ACAP3: variants seen among roughly 807,000 people sequenced by gnomAD.
The protein encoded by ACAP3 is ArfGAP with coiled-coil, ankyrin repeat and PH domains 3.
A neutral mutation model predicts 104.1 loss-of-function variants in ACAP3; 56 were observed. The observed-to-expected ratio is 0.54, with a 90% CI of 0.43 to 0.67. The LOEUF (loss-of-function observed/expected upper bound fraction) is 0.67, where lower values mean the gene tolerates loss of function less well. Ranked by LOEUF, ACAP3 falls within the 30% of genes least tolerant of loss-of-function variation. ACAP3 has a pLI of 0.00. For missense variants in ACAP3, 1,208 were observed against 1,174.9 expected (o/e 1.03, Z -0.41); for synonymous variants, 628 against 496.2 (o/e 1.27, Z -3.53).
Position 1,296,637 on chromosome 1 carries a change from G to T in ACAP3, c.1129-4C>A. ...GGGATGCTGTGCGGTCCAGCCTCTG[G>T]AGGATGGGGTGGAGCTGCTCGGTCC... On this transcript the variant is annotated splice_region_variant and splice_polypyrimidine_tract_variant and intron_variant, in intron 14 of 23. Transcript: ENST00000354700. 2 of 1,534,120 alleles carry T rather than the reference G, an allele frequency of 1.3e-6. No individual in the cohort carries two copies. The highest frequency in any genetic ancestry group is 8.7e-7 in the Non-Finnish European group (1 of 1,144,520).
chr1:1,304,236 T>C (rs1019217726), intron 1 of ACAP3, 93 bp from the exon 2 acceptor site: 6 of 1,454,862 alleles, frequency 4.1e-6, no homozygotes, highest in African/African-American at 2.8e-5. Context: ...GGCTCCACCA[T>C]GGGAAGGGGC....
At chr1:1,302,672 G>A (rs573631250) in intron 4 of ACAP3, among the ~76,000 whole-genome samples, 90 of 152,136 alleles carry the variant, frequency 5.9e-4, no homozygotes, top group African/African-American at 2.1e-3. Context: ...CGAGAGCCCT[G>A]CCCAGTTGGG....
rs1399050903 is a variant in ACAP3 at position 1,293,677 on chromosome 1, G to C, written c.2392C>G (p.Arg798Gly). The change falls in exon 24 of 24, where the codon CGC becomes GGC. Residue 798 changes from arginine (R) to glycine (G), a missense_variant. Transcript: ENST00000354700. ...GGACCAGGGGCAGCCTCGGCCTCGC[G>C]CATTTCCTCCGCCATGCGCGCCAGA... ...LRLARMAEEM[R>G]EAEAAPGPPG... is the part of the protein sequence containing the mutation. 4.2e-6 allele frequency: 6 copies of C among 1,435,890 alleles called. No individual in the cohort carries two copies. Among genetic ancestry groups the C allele is most frequent in the Non-Finnish European group, 5.4e-6 (6 of 1,103,982 alleles). The allele number at this position is 1,435,890 out of a possible 1,614,324, so 88.9% of individuals were successfully genotyped here.
chr1:1,295,129 A>C (rs1168382391), intron 19 of ACAP3: 7 of 549,538 alleles, frequency 1.3e-5, no homozygotes, highest in Non-Finnish European at 2.3e-5. Flanking sequence ...CCCAGGCTGA[A>C]ATGTCTCCAC....
chr1:1,293,772 C>CGCCCCTGCCCTGGAGGCCCA (rs1640963129), intron 23 of ACAP3, 51 bp downstream of exon 23: 6 of 1,513,984 alleles, frequency 4.0e-6, no homozygotes, highest in Non-Finnish European at 5.3e-6. Flanking sequence ...CTGGAGGCCC[C>CGCCCCTGCCCTGGAGGCCCA]GCCCCTGCCC....
In ACAP3 at chr1:1,303,666, C is replaced by T. The variant is rs1042982128; in HGVS notation, c.106-385G>A. ...ATGGACACGGCTCCCCTCTCCACGG[C>T]CTGTTGCCCCCTCTTTCTCAGCCCA... On this transcript the variant is annotated intron_variant, in intron 2 of 23. Transcript: ENST00000354700. This position sits in a 1 kb window ranked among gnomAD's most constrained non-coding sequence, Gnocchi z 4.0. 14 of 288,746 alleles carry T rather than the reference C, an allele frequency of 4.8e-5. 1 individual carries two copies. The highest frequency in any genetic ancestry group is 1.6e-4 in the Admixed American group (2 of 12,228). The allele number at this position is 288,746 out of a possible 1,614,324, so 17.9% of individuals were successfully genotyped here.
At chr1:1,307,455 G>C in intron 1 of ACAP3, 1 of 1,294,748 alleles carries the variant, frequency 7.7e-7, no homozygotes, top group Non-Finnish European at 1.0e-6. Flanking sequence ...GCCAGAGCTG[G>C]ACTGCAGGGC....
At chr1:1,299,701 G>A in intron 9 of ACAP3, 130 bp downstream of exon 9, 1 of 1,114,276 alleles carries the variant, frequency 9.0e-7, no homozygotes, top group Non-Finnish European at 1.3e-6. Context: ...TGGTCCCCTA[G>A]AGAGGGTGTG....
chr1:1,294,207 G>A lies in ACAP3; in HGVS notation c.2140-8C>T. The A allele has an allele frequency of 4.4e-6, 7 of 1,575,236 alleles. No homozygotes were observed. Among genetic ancestry groups the A allele is most frequent in the Non-Finnish European group, 6.0e-6 (7 of 1,160,098 alleles). On this transcript the variant is annotated splice_polypyrimidine_tract_variant and splice_region_variant and intron_variant, in intron 21 of 23. Coordinates refer to ENST00000354700, the MANE Select transcript of ACAP3 (RefSeq NM_030649.3). ...ACAGACGATCAAGGAGCCCTGGGGAGCCGGGGCAACTCAGACGGAGCCACG... is the reference window on the plus strand; with the variant it reads ...ACAGACGATCAAGGAGCCCTGGGGAACCGGGGCAACTCAGACGGAGCCACG...
intron 1 of ACAP3, chr1:1,307,035 G>C (rs753257874): frequency 5.2e-6 from 3 of 576,066 alleles, no homozygotes; most frequent in South Asian, 4.5e-5. Context: ...CCCCGCACGA[G>C]CTCGTGCAGA....
In ACAP3 at chr1:1,294,511, C is replaced by T. The variant is rs1236289066; in HGVS notation, c.2030G>A (p.Arg677His). 1 of 1,505,792 alleles carries T rather than the reference C, an allele frequency of 6.6e-7. No individual in the cohort carries two copies. Among genetic ancestry groups the T allele is most frequent in the Non-Finnish European group, 8.8e-7 (1 of 1,137,242 alleles). 93.3% of individuals were successfully genotyped at this position (1,505,792 alleles called of 1,614,324 possible). A position where few individuals can be genotyped will look rare whatever the true frequency, so the allele number is the denominator to read the frequency against. The change falls in exon 21 of 24, where the codon CGT becomes CAT. Residue 677 changes from arginine (R) to histidine (H), a missense_variant. Transcript: ENST00000354700. ...HPGLLAHRAARARDLPALAAA... is the reference protein window; with the variant it reads ...HPGLLAHRAAHARDLPALAAA... Reference sequence around the variant, plus strand: ...CGCCAGCGCAGGAAGGTCGCGGGCACGCGCTGCGCGGTGCGCCAAGAGCCC... The same window carrying T: ...CGCCAGCGCAGGAAGGTCGCGGGCATGCGCTGCGCGGTGCGCCAAGAGCCC...
intron 1 of ACAP3, among the ~76,000 whole-genome samples, chr1:1,307,548 C>T (rs1406516780): frequency 6.6e-6 from 1 of 152,248 alleles, no homozygotes; most frequent in East Asian, 1.9e-4. Flanking sequence ...CCCACGCGCA[C>T]GCCCTCCACC....
At position 1,302,935 on chromosome 1, in the gene ACAP3, A is replaced by G; in HGVS notation, c.266T>C (p.Val89Ala). Residue 89 changes from valine to alanine, a missense_variant, in exon 4 of 24, where the codon GTG becomes GCG. Coordinates refer to ENST00000354700, the MANE Select transcript of ACAP3 (RefSeq NM_030649.3). ...QRFADSLQEV[V>A]NYHMILFDQA... ...GGCCGCGCTCACCATGTGGTAGTTC[A>G]CCACCTCCTGTAGGCTGTCAGCGAA... is the stretch of plus-strand genomic sequence containing the variant. The G allele has an allele frequency of 6.2e-7, 1 of 1,611,286 alleles. No homozygotes were observed.
At chr1:1,297,243 GTGTGC>G (rs1641219833) in intron 14 of ACAP3, among the ~76,000 whole-genome samples, 1 of 101,376 alleles carries the variant, frequency 9.9e-6, no homozygotes, top group Non-Finnish European at 1.8e-5. Flanking sequence ...GGTGGCACAT[GTGTGC>G]ACGGGCTTGG....
intron 21 of ACAP3, 49 bp downstream of exon 21, chr1:1,294,349 GCAAA>G (rs1641011396): frequency 6.5e-7 from 1 of 1,530,866 alleles, no homozygotes; most frequent in Non-Finnish European, 8.8e-7. Flanking sequence ...CACAGAAGAT[GCAAA>G]CGCGACTGTG....
In ACAP3 at chr1:1,300,643, C is replaced by A; in HGVS notation, c.388G>T (p.Glu130Ter). Residue 130 changes from glutamate (E) to a stop codon, truncating the protein, a stop_gained, in exon 6 of 24, where the codon GAG becomes TAG. Transcript: ENST00000354700. LOFTEE classifies it high-confidence loss of function. ...CTCACCAGGGACAGCTCCAGGTCCTCCCGCACCTTGTCAAACTGCTTCTTT... is the reference window on the plus strand; with the variant it reads ...CTCACCAGGGACAGCTCCAGGTCCTACCGCACCTTGTCAAACTGCTTCTTT... ...ETKKQFDKVR[E>*]DLELSLVRNA... The A allele has an allele frequency of 6.2e-7, 1 of 1,609,882 alleles. No individual in the cohort carries two copies. Among genetic ancestry groups the A allele is most frequent in the Non-Finnish European group, 8.5e-7 (1 of 1,179,152 alleles).
Position 1,294,755 on chromosome 1 carries a change from G to T in ACAP3, c.1875C>A (p.Phe625Leu), listed in dbSNP as rs377269757. 52 of 1,549,878 alleles carry T rather than the reference G, an allele frequency of 3.4e-5. No individual in the cohort carries two copies. Among genetic ancestry groups the T allele is most frequent in the Non-Finnish European group, 4.0e-5 (46 of 1,146,734 alleles). ...CGCTGTCCACCACAGAGCCCGAGCC[G>T]AAAGCCAGGACGTCCGAGCTGCCAT... ...SSDGSSDVLA[F>L]GSGSVVDSVT... The change falls in exon 20 of 24, where the codon TTC (phenylalanine) becomes TTA (leucine). Residue 625 changes from phenylalanine to leucine, a missense_variant. Transcript: ENST00000354700.
chr1:1,294,387 C>T lies in ACAP3; in HGVS notation c.2139+15G>A. The T allele has an allele frequency of 6.4e-7, 1 of 1,563,168 alleles. No homozygotes were observed. The highest frequency in any genetic ancestry group is 8.6e-7 in the Non-Finnish European group (1 of 1,158,062). ...TGCACCTGTGTCCTGCGCGCAGCCC[C>T]CGTGGCTCGCTCACCCCTAGCACGG... On this transcript the variant is annotated intron_variant, in intron 21 of 23. Coordinates refer to ENST00000354700, the MANE Select transcript of ACAP3 (RefSeq NM_030649.3).
chr1:1,300,254 G>A, intron 6 of ACAP3, 52 bp from the exon 7 acceptor site: 3 of 1,542,942 alleles, frequency 1.9e-6, no homozygotes, highest in South Asian at 1.2e-5. Flanking sequence ...GCAGCCCCAA[G>A]CCCTGCACCT....
Sources: gnomAD v4.1 joint callset for allele counts (sites outside exome capture counted in the v4.1 genomes callset) on GRCh38, gnomAD v4.1.1 for gene constraint, Gnocchi (gnomAD v3.1) non-coding constraint, MANE v1.5 for transcripts, NCBI Gene and HGNC (gene_info 2026-07-23, HGNC 2026-07-21) for gene names.